MALRD1: variants seen among roughly 807,000 people sequenced by gnomAD.
MALRD1 encodes the protein MAM and LDL receptor class A domain containing 1.
A neutral mutation model predicts 242.1 loss-of-function variants in MALRD1; 247 were observed. The observed-to-expected ratio is 1.02, with a 90% CI of 0.92 to 1.13. The LOEUF (loss-of-function observed/expected upper bound fraction) is 1.13, where lower values mean the gene tolerates loss of function less well. Among genes scored for constraint, MALRD1 ranks in the 50% most tolerant of loss-of-function variants. The pLI, the probability that MALRD1 is intolerant of heterozygous loss-of-function variation, is 0.00. For missense variants in MALRD1, 2,989 were observed against 2,533.1 expected (o/e 1.18, Z -3.86); for synonymous variants, 995 against 866.6 (o/e 1.15, Z -2.60).
chr10:19,207,982 G>C (rs1313127135), intron 17 of MALRD1, among the ~76,000 whole-genome samples: 1 of 152,166 alleles, frequency 6.6e-6, no homozygotes, highest in Non-Finnish European at 1.5e-5. Flanking sequence ...TGATAACTGA[G>C]ATAGCTACTA....
chr10:19,051,291 T>TAA (rs36010504), intron 1 of MALRD1, among the ~76,000 whole-genome samples: 19 of 149,430 alleles, frequency 1.3e-4, no homozygotes, highest in South Asian at 2.1e-4. Context: ...GTAGCCACAT[T>TAA]AAAAAAAAAA....
chr10:19,488,310 A>G (rs544321307), intron 29 of MALRD1, among the ~76,000 whole-genome samples: 2 of 152,310 alleles, frequency 1.3e-5, no homozygotes, highest in Admixed American at 6.5e-5. Context: ...GTTCTATGTG[A>G]GGCCCAAGAG....
At chr10:19,586,985 T>C (rs1330837162) in intron 33 of MALRD1, among the ~76,000 whole-genome samples, 2 of 152,234 alleles carry the variant, frequency 1.3e-5, no homozygotes, top group Non-Finnish European at 2.9e-5. Flanking sequence ...AGTGACCCGA[T>C]TTTCCAGGTG....
chr10:19,666,056 C>CA (rs1342534586), intron 36 of MALRD1, among the ~76,000 whole-genome samples: 1 of 152,084 alleles, frequency 6.6e-6, no homozygotes, highest in Non-Finnish European at 1.5e-5. Context: ...TTGCTTCCCC[C>CA]AAAACTTTCG....
At chr10:19,568,189 A>G (rs1368462343) in intron 33 of MALRD1, among the ~76,000 whole-genome samples, 2 of 152,190 alleles carry the variant, frequency 1.3e-5, no homozygotes, top group Admixed American at 6.5e-5. Flanking sequence ...TTTTCTAAAA[A>G]AGTCACCCCT....
intron 1 of MALRD1, among the ~76,000 whole-genome samples, chr10:19,052,833 G>T (rs757262704): frequency 5.3e-5 from 8 of 152,126 alleles, no homozygotes; most frequent in Non-Finnish European, 1.2e-4. Flanking sequence ...ATTGGCCTTT[G>T]GTAAGGAATT....
At chr10:19,232,822 C>A (rs952541769) in intron 18 of MALRD1, among the ~76,000 whole-genome samples, 1 of 151,986 alleles carries the variant, frequency 6.6e-6, no homozygotes, top group African/African-American at 2.4e-5. Context: ...CCACCCCAAC[C>A]CTGCTTCTTG....
chr10:19,285,633 C>T (rs1841074253), intron 21 of MALRD1, among the ~76,000 whole-genome samples: 1 of 147,256 alleles, frequency 6.8e-6, no homozygotes, highest in Non-Finnish European at 1.5e-5. Context: ...GGTACCAGTA[C>T]CGTGCTGTTT....
intron 35 of MALRD1, among the ~76,000 whole-genome samples, chr10:19,609,257 G>A (rs956260810): frequency 6.6e-6 from 1 of 152,028 alleles, no homozygotes; most frequent in African/African-American, 2.4e-5. Flanking sequence ...TGTAGGTCAT[G>A]TTGACACAGA....
At chr10:19,399,996 T>A (rs965817010) in intron 28 of MALRD1, among the ~76,000 whole-genome samples, 6 of 152,206 alleles carry the variant, frequency 3.9e-5, no homozygotes. Flanking sequence ...TCCTTTAATT[T>A]AGGATTACAA....
chr10:19,325,213 A>G (rs1311691626), intron 22 of MALRD1, among the ~76,000 whole-genome samples: 6 of 151,746 alleles, frequency 4.0e-5, no homozygotes, highest in Non-Finnish European at 5.9e-5. Flanking sequence ...ATTATAATCT[A>G]TTAGTATTAT....
intron 14 of MALRD1, among the ~76,000 whole-genome samples, chr10:19,193,264 G>A (rs1836073365): frequency 6.6e-6 from 1 of 152,070 alleles, no homozygotes; most frequent in Admixed American, 6.6e-5. Context: ...GAAATAAGAT[G>A]GAACTATCAA....
At chr10:19,572,893 G>T (rs892990461) in intron 33 of MALRD1, among the ~76,000 whole-genome samples, 1 of 152,140 alleles carries the variant, frequency 6.6e-6, no homozygotes, top group African/African-American at 2.4e-5. Flanking sequence ...TCTTCAGAGA[G>T]AGCAGGGCTC....
chr10:19,639,713 C>G (rs1840301141), intron 36 of MALRD1, among the ~76,000 whole-genome samples: 1 of 152,130 alleles, frequency 6.6e-6, no homozygotes, highest in South Asian at 2.1e-4. Context: ...CTCTCTGATC[C>G]TATTTCCAAC....
At chr10:19,646,602 C>T (rs546843555) in intron 36 of MALRD1, among the ~76,000 whole-genome samples, 1 of 142,502 alleles carries the variant, frequency 7.0e-6, no homozygotes, top group African/African-American at 3.0e-5. Context: ...GAGACTGTGT[C>T]TCAAGAAAAA....
chr10:19,638,329 T>A (rs1840238670), intron 36 of MALRD1, among the ~76,000 whole-genome samples: 1 of 150,798 alleles, frequency 6.6e-6, no homozygotes, highest in East Asian at 2.0e-4. Context: ...CAAAAGGAGG[T>A]GGGGATGAAA....
At chr10:19,662,519 C>T (rs374870849) in intron 36 of MALRD1, among the ~76,000 whole-genome samples, 1 of 152,120 alleles carries the variant, frequency 6.6e-6, no homozygotes, top group Non-Finnish European at 1.5e-5. Context: ...GACTCTCCCA[C>T]TCTTAAAACG....
intron 14 of MALRD1, among the ~76,000 whole-genome samples, chr10:19,189,792 C>T (rs190407776): frequency 6.6e-6 from 1 of 151,936 alleles, no homozygotes; most frequent in Non-Finnish European, 1.5e-5. Context: ...CTCAACAAAC[C>T]AGGAATAAAA....
rs147698267 is a variant in MALRD1, at chr10:19,056,972, A to G, written c.199+7835A>G. ...TCATTCTGTTAATGTGGTGTATCAC[A>G]TTAATTGATTTGCATAAGTTGAACC... On this transcript the variant is annotated intron_variant, in intron 1 of 39. Transcript: ENST00000454679. Among the ~76,000 whole-genome samples the G allele has an allele frequency of 3.5e-3, 537 of 152,288 alleles. 4 individuals are homozygous for G. The highest frequency in any genetic ancestry group is 0.019 in the East Asian group (96 of 5,186).
Sources: gnomAD v4.1 joint callset for allele counts (sites outside exome capture counted in the v4.1 genomes callset) on GRCh38, gnomAD v4.1.1 for gene constraint, MANE v1.5 for transcripts, NCBI Gene and HGNC (gene_info 2026-07-23, HGNC 2026-07-21) for gene names.